The following ACSM6 variants were observed in gnomAD, a reference collection of about 807,000 sequenced individuals.
The protein encoded by ACSM6 is acyl-coenzyme A synthetase ACSM6, mitochondrial.
A neutral mutation model predicts 51.1 loss-of-function variants in ACSM6; 35 were observed. The ratio of observed to expected loss-of-function variants is 0.69; its 90% confidence interval spans 0.52 to 0.91. The LOEUF (loss-of-function observed/expected upper bound fraction) is 0.91. Ranked by LOEUF, ACSM6 falls within the 40% of genes least tolerant of loss-of-function variation. The pLI is 0.00. For missense variants in ACSM6, 509 were observed against 584.1 expected, an observed-to-expected ratio of 0.87 and a Z score of 1.32; for synonymous variants, 172 against 207.3, an observed-to-expected ratio of 0.83 and a Z score of 1.46.
chr10:95,226,031 A>G (rs915194628), intron 10 of ACSM6: 5 of 152,180 alleles, frequency 3.3e-5, no homozygotes, highest in South Asian at 2.1e-4. Context: ...TAGATGATGT[A>G]TATTTCTTAT....
intron 10 of ACSM6, 38 bp downstream of exon 10, chr10:95,225,429 T>C (rs1440222890): frequency 7.8e-7 from 1 of 1,287,976 alleles, no homozygotes; most frequent in East Asian, 2.6e-5. Flanking sequence ...ACTTTCATTG[T>C]TGCTACTAAT....
intron 2 of ACSM6, among the ~76,000 whole-genome samples, chr10:95,196,108 G>A (rs2034722510): frequency 6.6e-6 from 1 of 152,132 alleles, no homozygotes; most frequent in African/African-American, 2.4e-5. Context: ...CTGGGTCCCA[G>A]TAAGATTCTA....
At chr10:95,219,636 T>C (rs1474179550) in intron 8 of ACSM6, among the ~76,000 whole-genome samples, 3 of 152,202 alleles carry the variant, frequency 2.0e-5, no homozygotes, top group Non-Finnish European at 4.4e-5. Context: ...TTGGTTCTTT[T>C]GAATATTTCA....
rs912348312 is a variant in ACSM6 at position 95,212,722 on chromosome 10, A to T, written c.913-136A>T. ...GGTGGGGAATCACTAAGTCTTTGAGATAAAAGGCATCCCCAAGCTGAGTTT... is the reference window on the plus strand; with the variant it reads ...GGTGGGGAATCACTAAGTCTTTGAGTTAAAAGGCATCCCCAAGCTGAGTTT... On this transcript the variant is annotated intron_variant, in intron 6 of 10. Coordinates refer to ENST00000341686, the Ensembl canonical transcript of ACSM6. The T allele has an allele frequency of 2.0e-5, 13 of 665,666 alleles. No individual in the cohort carries two copies. In the African/African-American group the frequency reaches 2.3e-4, roughly 12 times the overall value. 41.2% of individuals were successfully genotyped at this position (665,666 alleles called of 1,614,324 possible).
chr10:95,228,551 C>A, intron 10 of ACSM6, 93 bp from the exon 11 acceptor site: 1 of 1,251,004 alleles, frequency 8.0e-7, no homozygotes, highest in South Asian at 2.2e-5. Flanking sequence ...TTTTCTCAGT[C>A]TCCCCTGGGG....
chr10:95,203,378 C>T (rs1437976178), intron 3 of ACSM6, among the ~76,000 whole-genome samples: 1 of 152,068 alleles, frequency 6.6e-6, no homozygotes, highest in Non-Finnish European at 1.5e-5. Context: ...ATAAAGTGCA[C>T]AATAAATGTA....
intron 10 of ACSM6, 109 bp from the exon 11 acceptor site, chr10:95,228,530 TCCTGA>T (rs2035063601): frequency 9.4e-7 from 1 of 1,064,692 alleles, no homozygotes. Flanking sequence ...AGAGTGGGGA[TCCTGA>T]CTTATTTTTC....
At chr10:95,211,820 ATTG>A in intron 5 of ACSM6, 55 bp from the exon 6 acceptor site, 1 of 1,494,676 alleles carries the variant, frequency 6.7e-7, no homozygotes, top group Non-Finnish European at 9.0e-7. Flanking sequence ...AGCAAGTATT[ATTG>A]TTGTTGCTAG....
chr10:95,207,780 T>G (rs1031168560), intron 4 of ACSM6, among the ~76,000 whole-genome samples: 1 of 130,074 alleles, frequency 7.7e-6, no homozygotes, highest in Non-Finnish European at 1.7e-5. Context: ...AACTTATATA[T>G]AGACTATATA....
intron 4 of ACSM6, among the ~76,000 whole-genome samples, chr10:95,208,982 C>A (rs1274793776): frequency 9.6e-6 from 1 of 103,868 alleles, no homozygotes; most frequent in African/African-American, 3.5e-5. Context: ...GACAGTCAAA[C>A]CCCGACCCTC....
At chr10:95,214,852 C>T (rs1246365597) in exon 8 of ACSM6, 1 of 1,551,292 alleles carries the variant, frequency 6.4e-7, no homozygotes, top group Non-Finnish European at 8.7e-7. Flanking sequence ...GCCTCTCCAG[C>T]TACAGATTCA....
intron 4 of ACSM6, among the ~76,000 whole-genome samples, chr10:95,207,794 T>C (rs1465966089): frequency 6.7e-6 from 1 of 148,346 alleles, no homozygotes; most frequent in Non-Finnish European, 1.5e-5. Context: ...CTATATATAA[T>C]GGAATACTAT....
At chr10:95,218,867 A>G (rs889754634) in intron 8 of ACSM6, among the ~76,000 whole-genome samples, 5 of 125,600 alleles carry the variant, frequency 4.0e-5, no homozygotes, top group African/African-American at 1.5e-4. Flanking sequence ...CCTCAAAAAC[A>G]TTCAGAATCT....
Position 95,228,630 on chromosome 10 carries a change from C to T in ACSM6, c.1303-14C>T. 1 of 1,549,354 alleles carries T rather than the reference C, an allele frequency of 6.5e-7. No homozygotes were observed. The highest frequency in any genetic ancestry group is 8.7e-7 in the Non-Finnish European group (1 of 1,145,932). On this transcript the variant is annotated splice_polypyrimidine_tract_variant and intron_variant, in intron 10 of 10. Transcript: ENST00000341686. ...GGAAGTAAATGTAGGTTTCTGGATT[C>T]ATCATTCTATCAGGTGAGCTGGGAG...
At chr10:95,200,725 G>A (rs2133372483) in intron 2 of ACSM6, among the ~76,000 whole-genome samples, 1 of 151,864 alleles carries the variant, frequency 6.6e-6, no homozygotes, top group South Asian at 2.1e-4. Context: ...ATAAAAGGAG[G>A]AAGAAAGTTG....
chr10:95,212,017 C>G, exon 6 of ACSM6: 3 of 1,614,028 alleles, frequency 1.9e-6, no homozygotes, highest in Non-Finnish European at 2.5e-6. Flanking sequence ...AACCTTCTGC[C>G]CTGAGACTGT....
At chr10:95,200,375 A>G (rs930935514) in intron 2 of ACSM6, among the ~76,000 whole-genome samples, 1 of 150,786 alleles carries the variant, frequency 6.6e-6, no homozygotes, top group Non-Finnish European at 1.5e-5. Flanking sequence ...GAGGGATAGC[A>G]TTGGGTGATA....
chr10:95,207,982 A>T (rs1014753473), intron 4 of ACSM6, among the ~76,000 whole-genome samples: 9 of 152,122 alleles, frequency 5.9e-5, no homozygotes, highest in African/African-American at 2.2e-4. Context: ...CTCTACTAAA[A>T]GTACAAAAAT....
chr10:95,223,422 G>T (rs1407245778), intron 9 of ACSM6, among the ~76,000 whole-genome samples: 1 of 151,872 alleles, frequency 6.6e-6, no homozygotes, highest in African/African-American at 2.4e-5. Context: ...ATTACTATAG[G>T]TGCCAAAAAA....
Sources: gnomAD v4.1 joint callset for allele counts (sites outside exome capture counted in the v4.1 genomes callset) on GRCh38, gnomAD v4.1.1 for gene constraint, MANE v1.5 for transcripts, NCBI Gene and HGNC (gene_info 2026-07-23, HGNC 2026-07-21) for gene names.